Variants in HAUS2 observed in about 807,000 individuals in gnomAD.
HAUS2 encodes HAUS augmin like complex subunit 2, also known as HAUS augmin-like complex subunit 2.
A neutral mutation model predicts 21.6 loss-of-function variants in HAUS2; 20 were observed. The observed-to-expected ratio is 0.93, with a 90% CI of 0.65 to 1.35. The LOEUF is 1.35. Ranked by LOEUF, HAUS2 falls within the 40% of genes most tolerant of loss-of-function variation. HAUS2 has a pLI of 0.00. For missense variants in HAUS2, 297 were observed against 280.7 expected, an observed-to-expected ratio of 1.06 and a Z score of -0.42; for synonymous variants, 113 against 95.6, an observed-to-expected ratio of 1.18 and a Z score of -1.06.
intron 5 of HAUS2, 90 bp downstream of exon 5, chr15:42,563,947 C>T (rs1000781138): frequency 6.8e-5 from 49 of 716,644 alleles, no homozygotes; most frequent in African/African-American, 1.3e-4. Context: ...GCTAATATTA[C>T]GAGCTAGTTA....
At chr15:42,554,692 T>C (rs2057755034) in intron 1 of HAUS2, among the ~76,000 whole-genome samples, 1 of 151,622 alleles carries the variant, frequency 6.6e-6, no homozygotes, top group Admixed American at 6.6e-5. Context: ...GGTTTCACCA[T>C]GTTGGCCAGG....
At position 42,569,185 on chromosome 15, in the gene HAUS2, T is replaced by C. The variant is rs1393708294; in HGVS notation, c.*2369T>C. The C allele has an allele frequency of 6.6e-6, 1 of 152,224 alleles. No homozygotes were observed. Among genetic ancestry groups the C allele is most frequent in the African/African-American group, 2.4e-5 (1 of 41,458 alleles). The allele number at this position is 152,224 out of a possible 1,614,324, so 9.4% of individuals were successfully genotyped here. On this transcript the variant is annotated 3_prime_UTR_variant, in exon 6 of 6. Coordinates refer to ENST00000260372, the MANE Select transcript of HAUS2 (RefSeq NM_018097.3). ...CTAACAACTGCCTCAGGATATACTC[T>C]TTTTAATCAGTATTGTAACTAACCT... is the stretch of plus-strand genomic sequence containing the variant.
rs192465821 is a variant in HAUS2, at chr15:42,559,400, T to C, written c.248T>C (p.Phe83Ser). Residue 83 changes from phenylalanine to serine, a missense_variant, in exon 3 of 6, where the codon TTC (phenylalanine) becomes TCC (serine). Phe to Ser is a radical substitution (Grantham distance 155, BLOSUM62 -2). Coordinates refer to ENST00000260372, the MANE Select transcript of HAUS2 (RefSeq NM_018097.3). Reference protein sequence around the residue: ...EKDTADVVHPFFLAQKCHTLQ... With the variant: ...EKDTADVVHPSFLAQKCHTLQ... ...GATACAGCAGATGTTGTTCATCCTT[T>C]CTTTTTGGGTAAGTGGTTTGGTTAA... is the stretch of plus-strand genomic sequence containing the variant. 33 of 1,595,998 alleles carry C rather than the reference T, an allele frequency of 2.1e-5. No individual in the cohort carries two copies. In the East Asian group the frequency reaches 7.1e-4, roughly 35 times the overall value.
At chr15:42,554,090 C>T (rs2057749826) in intron 1 of HAUS2, among the ~76,000 whole-genome samples, 1 of 152,174 alleles carries the variant, frequency 6.6e-6, no homozygotes, top group African/African-American at 2.4e-5. Context: ...ACCATATCAA[C>T]TAAGATTTGT....
At chr15:42,558,314 C>CTTTTTTTTTTTTTTTTT (rs547363768) in intron 2 of HAUS2, 24 bp downstream of exon 2, 1 of 329,378 alleles carries the variant, frequency 3.0e-6, no homozygotes, top group Non-Finnish European at 5.0e-6. Flanking sequence ...TTTTCACTTT[C>CTTTTTTTTTTTTTTTTT]TTTTTTTTTT....
chr15:42,555,823 A>G (rs1475461428), intron 1 of HAUS2, among the ~76,000 whole-genome samples: 1 of 152,226 alleles, frequency 6.6e-6, no homozygotes, highest in Non-Finnish European at 1.5e-5. Context: ...TTTGTGGGCC[A>G]TATGGTTGCA....
At chr15:42,560,476 GTA>G (rs1197963900) in intron 3 of HAUS2, among the ~76,000 whole-genome samples, 1 of 152,110 alleles carries the variant, frequency 6.6e-6, no homozygotes. Context: ...TAAGTAAAAT[GTA>G]TGTGTGAGTT....
At chr15:42,552,774 C>T (rs2057738302) in intron 1 of HAUS2, among the ~76,000 whole-genome samples, 1 of 152,132 alleles carries the variant, frequency 6.6e-6, no homozygotes, top group Non-Finnish European at 1.5e-5. Flanking sequence ...ACAGAATCTA[C>T]TAATTCTGTT....
intron 1 of HAUS2, among the ~76,000 whole-genome samples, chr15:42,553,986 A>G (rs973290359): frequency 6.6e-6 from 1 of 152,210 alleles, no homozygotes; most frequent in Admixed American, 6.5e-5. Flanking sequence ...TGCCATCAGT[A>G]AAATATCTTG....
intron 1 of HAUS2, among the ~76,000 whole-genome samples, chr15:42,556,969 A>G (rs1013848701): frequency 1.3e-5 from 2 of 151,832 alleles, no homozygotes; most frequent in Admixed American, 1.3e-4. Context: ...AGTTGAATGC[A>G]AGAGGCAGAG....
rs1367029967 is a variant in HAUS2, at chr15:42,568,523, T to G, written c.*1707T>G. 1 of 152,240 alleles carries G rather than the reference T, an allele frequency of 6.6e-6. No homozygotes were observed. Among genetic ancestry groups the G allele is most frequent in the African/African-American group, 2.4e-5 (1 of 41,468 alleles). The allele number at this position is 152,240 out of a possible 1,614,324, so 9.4% of individuals were successfully genotyped here. A position where few individuals can be genotyped will look rare whatever the true frequency, so the allele number is the denominator to read the frequency against. On this transcript the variant is annotated 3_prime_UTR_variant, in exon 6 of 6. Coordinates refer to ENST00000260372, the MANE Select transcript of HAUS2 (RefSeq NM_018097.3). ...TAACACTTTTACAATGTCAATTAAA[T>G]TTCCAACACTTGAACTTTGGGGGAC...
At chr15:42,559,752 T>G (rs188272102) in intron 3 of HAUS2, among the ~76,000 whole-genome samples, 2 of 152,270 alleles carry the variant, frequency 1.3e-5, no homozygotes, top group South Asian at 2.1e-4. Context: ...CTTCCTATGT[T>G]GCCTAGGGTA....
rs750454481 is a variant in HAUS2, at chr15:42,561,392, G to A, written c.379G>A (p.Val127Ile). Residue 127 changes from valine (V) to isoleucine (I), a missense_variant, in exon 4 of 6, where the codon GTT becomes ATT. Val to Ile is a conservative substitution (Grantham distance 29). Coordinates refer to ENST00000260372, the MANE Select transcript of HAUS2 (RefSeq NM_018097.3). ...MCQENLPIEA[V>I]YHRYMVHLLE... ...CCAGGAAAACTTACCTATTGAAGCT[G>A]TTTATCACAGGTTAGACTGAAAAGT... 6.2e-7 allele frequency: 1 copy of A among 1,605,250 alleles called. No homozygotes were observed. Among genetic ancestry groups the A allele is most frequent in the Admixed American group, 1.7e-5 (1 of 59,980 alleles).
intron 5 of HAUS2, among the ~76,000 whole-genome samples, chr15:42,565,738 G>A (rs949994959): frequency 3.9e-5 from 6 of 152,076 alleles, no homozygotes; most frequent in Non-Finnish European, 5.9e-5. Flanking sequence ...ACTAATTACC[G>A]TCATTCAGAT....
intron 1 of HAUS2, among the ~76,000 whole-genome samples, chr15:42,551,613 C>G (rs1194565928): frequency 2.0e-5 from 3 of 152,052 alleles, no homozygotes; most frequent in Non-Finnish European, 2.9e-5. Flanking sequence ...TGCACTCCAG[C>G]CTGGGTGACA....
At position 42,548,905 on chromosome 15, in the gene HAUS2, CG is replaced by C. The variant is rs760136124; in HGVS notation, c.34del (p.Ala12ArgfsTer7). The C allele has an allele frequency of 6.4e-7, 1 of 1,550,968 alleles. No homozygotes were observed. Among genetic ancestry groups the C allele is most frequent in the African/African-American group, 1.4e-5 (1 of 73,214 alleles). On this transcript the variant is annotated frameshift_variant, in exon 1 of 6. Transcript: ENST00000260372. LOFTEE classifies it high-confidence loss of function. The stretch of plus-strand genomic sequence containing the variant: ...CTGCCAACCCGTGGGACCCGGCGTC[CG>C]CGCCTAACGGCGCTGGGCTAGTGCT... ...AAANPWDPASAPNGAGLVLGH... is the reference protein window; with the variant it reads ...AAANPWDPASXPNGAGLVLGH...
chr15:42,553,801 T>C (rs1181527594), intron 1 of HAUS2, among the ~76,000 whole-genome samples: 4 of 152,198 alleles, frequency 2.6e-5, no homozygotes, highest in Non-Finnish European at 4.4e-5. Context: ...AACAGGTTGG[T>C]TACAATGTGA....
chr15:42,565,629 T>G (rs1261477800), intron 5 of HAUS2, among the ~76,000 whole-genome samples: 1 of 152,116 alleles, frequency 6.6e-6, no homozygotes, highest in East Asian at 1.9e-4. Flanking sequence ...AGAATCTACG[T>G]TTTAACAAGT....
At chr15:42,560,727 T>C (rs2057840761) in intron 3 of HAUS2, 2 of 690,096 alleles carry the variant, frequency 2.9e-6, no homozygotes, top group African/African-American at 1.8e-5. Context: ...TAGCTAGGAC[T>C]ACTGGCATGT....
Sources: gnomAD v4.1 joint callset for allele counts (sites outside exome capture counted in the v4.1 genomes callset) on GRCh38, gnomAD v4.1.1 for gene constraint, MANE v1.5 for transcripts, NCBI Gene and HGNC (gene_info 2026-07-23, HGNC 2026-07-21) for gene names.